The following VTI1A variants were observed in gnomAD, a reference collection of about 807,000 sequenced individuals.
VTI1A encodes the protein vesicle transport through interaction with t-SNAREs 1A.
A neutral mutation model predicts 34.9 loss-of-function variants in VTI1A; 22 were observed. The observed-to-expected ratio is 0.63, with a 90% CI of 0.45 to 0.90. The LOEUF (loss-of-function observed/expected upper bound fraction) is 0.90, where lower values mean the gene tolerates loss of function less well. VTI1A is among the 40% of genes least tolerant of loss of function. VTI1A has a pLI of 0.00. For missense variants in VTI1A, 268 were observed against 275.6 expected (o/e 0.97, Z 0.20); for synonymous variants, 87 against 97.3 (o/e 0.89, Z 0.62).
intron 5 of VTI1A, among the ~76,000 whole-genome samples, chr10:112,666,307 CAAAA>C (rs1847637434): frequency 6.6e-6 from 1 of 152,124 alleles, no homozygotes; most frequent in Admixed American, 6.5e-5. Flanking sequence ...TGTATGCTGT[CAAAA>C]ATATATTTAT....
Position 112,533,654 on chromosome 10 carries a change from T to C in VTI1A, c.343-4592T>C, listed in dbSNP as rs918519249. The C allele has an allele frequency of 9.2e-6, 6 of 651,340 alleles. No homozygotes were observed. In the African/African-American group the frequency reaches 9.9e-5, roughly 11 times the overall value. 40.3% of individuals were successfully genotyped at this position (651,340 alleles called of 1,614,324 possible). A position where few individuals can be genotyped will look rare whatever the true frequency, so the allele number is the denominator to read the frequency against. On this transcript the variant is annotated intron_variant, in intron 4 of 7. Coordinates refer to ENST00000393077, the MANE Select transcript of VTI1A (RefSeq NM_145206.4). ...CTTTGGATTTGTTTTTCCAGGTAAA[T>C]CTATACATAGCAAAAAGTATCATTT...
intron 5 of VTI1A, among the ~76,000 whole-genome samples, chr10:112,572,621 G>T (rs1018710701): frequency 1.3e-5 from 2 of 152,062 alleles, no homozygotes; most frequent in Admixed American, 6.6e-5. Flanking sequence ...GGCGGATCAC[G>T]AGGTCAGGAG....
At chr10:112,601,884 G>A (rs1844894319) in intron 5 of VTI1A, among the ~76,000 whole-genome samples, 1 of 152,194 alleles carries the variant, frequency 6.6e-6, no homozygotes, top group South Asian at 2.1e-4. Context: ...TGATAGAGCA[G>A]AATGATTACA....
At chr10:112,505,547 T>C (rs1386213188) in intron 3 of VTI1A, among the ~76,000 whole-genome samples, 3 of 152,224 alleles carry the variant, frequency 2.0e-5, no homozygotes, top group Admixed American at 6.5e-5. Flanking sequence ...GTGGTCACTT[T>C]ATTGTCTTTT....
In VTI1A at chr10:112,723,322, C is replaced by T. The variant is rs1849878699; in HGVS notation, c.560+54324C>T. On this transcript the variant is annotated intron_variant, in intron 7 of 7. Coordinates refer to ENST00000393077, the MANE Select transcript of VTI1A (RefSeq NM_145206.4). The stretch of plus-strand genomic sequence containing the variant: ...CCTGGCCTTACTTGAAAACTAAGAA[C>T]TCTTAGCAACATTAGCAACATACTT... Among the ~76,000 whole-genome samples the T allele has an allele frequency of 3.3e-5, 5 of 152,190 alleles. No individual in the cohort carries two copies. The South Asian group carries it at 1.0e-3, about 32-fold the overall frequency.
chr10:112,572,842 CAAAAAAAA>C (rs35922968), intron 5 of VTI1A, among the ~76,000 whole-genome samples: 1 of 131,910 alleles, frequency 7.6e-6, no homozygotes, highest in Non-Finnish European at 1.6e-5. Context: ...CCGTCTCAAC[CAAAAAAAA>C]AAAAAAAAAG....
At chr10:112,484,557 CT>C (rs1009867690) in intron 3 of VTI1A, among the ~76,000 whole-genome samples, 21 of 152,174 alleles carry the variant, frequency 1.4e-4, no homozygotes, top group African/African-American at 4.8e-4. Flanking sequence ...CCTGTATCAA[CT>C]TACACACTGT....
chr10:112,483,607 G>A (rs940935809), intron 3 of VTI1A, among the ~76,000 whole-genome samples: 7 of 152,200 alleles, frequency 4.6e-5, no homozygotes, highest in Non-Finnish European at 8.8e-5. Flanking sequence ...GTGTCTTCTA[G>A]GAAGTTTAGC....
At chr10:112,624,959 A>C (rs1032751035) in intron 5 of VTI1A, among the ~76,000 whole-genome samples, 36 of 152,244 alleles carry the variant, frequency 2.4e-4, no homozygotes, top group African/African-American at 8.2e-4. Context: ...TTAGCCAGGC[A>C]CAGTGGCACA....
chr10:112,507,902 G>A (rs1000619731), intron 3 of VTI1A, among the ~76,000 whole-genome samples: 27 of 152,238 alleles, frequency 1.8e-4, no homozygotes, highest in African/African-American at 6.0e-4. Flanking sequence ...ACTCCACCAC[G>A]AATGAGAACA....
chr10:112,522,282 T>C (rs73365039), intron 3 of VTI1A, among the ~76,000 whole-genome samples: 212 of 152,106 alleles, frequency 1.4e-3, no homozygotes, highest in African/African-American at 5.0e-3. Flanking sequence ...GTAGAAGCAA[T>C]GGAAAAGTCT....
chr10:112,787,986 C>T (rs1009876085), intron 7 of VTI1A, among the ~76,000 whole-genome samples: 3 of 151,714 alleles, frequency 2.0e-5, no homozygotes, highest in Non-Finnish European at 4.4e-5. Context: ...CAGGCATGAG[C>T]CACCGCGCCT....
chr10:112,828,358 A>G, the VTI1A span, among the ~76,000 whole-genome samples: 5 of 152,082 alleles, frequency 3.3e-5, no homozygotes, highest in African/African-American at 7.2e-5. Flanking sequence ...AAAGATATTT[A>G]TTTCTCCATT....
At position 112,479,750 on chromosome 10, in the gene VTI1A, A is replaced by G. The variant is rs539415811; in HGVS notation, c.264+15093A>G. ...GGCTCATTAAATTCCCCTAAATATT[A>G]TTCACTACCTTTCAAAATTGTCCAC... On this transcript the variant is annotated intron_variant, in intron 3 of 7. Coordinates refer to ENST00000393077, the MANE Select transcript of VTI1A (RefSeq NM_145206.4). 2.3e-3 allele frequency among the ~76,000 whole-genome samples: 356 copies of G among 152,312 alleles called. 2 individuals carry two copies. Among genetic ancestry groups the G allele is most frequent in the Non-Finnish European group, 3.4e-3 (229 of 68,024 alleles).
At chr10:112,798,583 A>G (rs1451990947) in intron 7 of VTI1A, among the ~76,000 whole-genome samples, 1 of 152,046 alleles carries the variant, frequency 6.6e-6, no homozygotes, top group Non-Finnish European at 1.5e-5. Flanking sequence ...ATTGCTGCCA[A>G]ATACAGGACC....
intron 1 of VTI1A, among the ~76,000 whole-genome samples, chr10:112,459,714 T>C (rs1025056784): frequency 2.6e-5 from 4 of 152,196 alleles, no homozygotes; most frequent in Non-Finnish European, 5.9e-5. Flanking sequence ...ACAAATAGGC[T>C]GACTGGCTGG....
intron 7 of VTI1A, among the ~76,000 whole-genome samples, chr10:112,756,802 C>A (rs1045419477): frequency 6.6e-6 from 1 of 152,122 alleles, no homozygotes; most frequent in African/African-American, 2.4e-5. Flanking sequence ...AATCCTAGCA[C>A]TTTAGGAGGC....
chr10:112,477,967 TCCTCATA>T (rs1399585519), intron 3 of VTI1A, among the ~76,000 whole-genome samples: 14 of 152,234 alleles, frequency 9.2e-5, no homozygotes, highest in African/African-American at 2.9e-4. Flanking sequence ...AAAATTACTA[TCCTCATA>T]GCTAGCATCT....
chr10:112,780,815 T>G (rs77997224), intron 7 of VTI1A, among the ~76,000 whole-genome samples: 5,062 of 152,142 alleles, frequency 0.033, 116 homozygotes, highest in Non-Finnish European at 0.044. Flanking sequence ...CCCATCATTC[T>G]CCTCCTGGCT....
Sources: allele counts gnomAD v4.1 joint callset (sites outside exome capture counted in the v4.1 genomes callset), GRCh38; gene constraint gnomAD v4.1.1; transcripts MANE v1.5; gene names NCBI Gene and HGNC (gene_info 2026-07-23, HGNC 2026-07-21).